LRRC3B: variants seen among roughly 807,000 people sequenced by gnomAD.
LRRC3B encodes the protein leucine-rich repeat-containing protein 3B.
A neutral mutation model predicts 12.8 loss-of-function variants in LRRC3B; 2 were observed. The ratio of observed to expected loss-of-function variants is 0.16; its 90% CI spans 0.06 to 0.49. The LOEUF (loss-of-function observed/expected upper bound fraction) is 0.49. LRRC3B is among the 20% of genes least tolerant of loss of function. The pLI is 0.96. For missense variants in LRRC3B, 189 were observed against 319.4 expected, an observed-to-expected ratio of 0.59 and a Z score of 3.11; for synonymous variants, 132 against 122.0, an observed-to-expected ratio of 1.08 and a Z score of -0.54.
At chr3:26,659,475 A>G (rs946299832) in intron 1 of LRRC3B, among the ~76,000 whole-genome samples, 10 of 152,238 alleles carry the variant, frequency 6.6e-5, no homozygotes, top group African/African-American at 2.2e-4. Flanking sequence ...AAGATAATAC[A>G]TATGAAAGTT....
In LRRC3B at chr3:26,690,995, A is replaced by G. The variant is rs1417256200; in HGVS notation, c.-160-18518A>G. Among the ~76,000 whole-genome samples, 4 of 150,206 alleles carry G rather than the reference A, an allele frequency of 2.7e-5. No individual in the cohort carries two copies. In the Admixed American group the frequency reaches 2.7e-4, roughly 10 times the overall value. On this transcript the variant is annotated intron_variant, in intron 1 of 1. Coordinates refer to ENST00000396641, the Ensembl canonical transcript of LRRC3B. ...TCCATTCTGTCATTTTCTTTAGGGA[A>G]CAAGGACTTAAGCTTTTATATACTT...
intron 1 of LRRC3B, among the ~76,000 whole-genome samples, chr3:26,693,283 C>T (rs537625903): frequency 7.0e-6 from 1 of 142,884 alleles, no homozygotes; most frequent in East Asian, 2.0e-4. Flanking sequence ...GAGTCGAGAT[C>T]GCGCCACTGC....
At chr3:26,685,417 G>GTCATTACA (rs1157115653) in intron 1 of LRRC3B, among the ~76,000 whole-genome samples, 2 of 147,104 alleles carry the variant, frequency 1.4e-5, no homozygotes, top group East Asian at 4.0e-4. Context: ...CCAAGGACCA[G>GTCATTACA]TCATTACATT....
At chr3:26,642,869 T>C (rs1445485148) in intron 1 of LRRC3B, among the ~76,000 whole-genome samples, 1 of 151,814 alleles carries the variant, frequency 6.6e-6, no homozygotes, top group Admixed American at 6.6e-5. Context: ...ATACAAAAAT[T>C]AGCTGGGTGT....
chr3:26,647,785 A>T (rs544356875), intron 1 of LRRC3B, among the ~76,000 whole-genome samples: 1 of 152,350 alleles, frequency 6.6e-6, no homozygotes, highest in African/African-American at 2.4e-5. Flanking sequence ...AAGAATTTGC[A>T]GGTGTAAACT....
At chr3:26,701,021 T>C (rs1700439901) in intron 1 of LRRC3B, among the ~76,000 whole-genome samples, 1 of 152,150 alleles carries the variant, frequency 6.6e-6, no homozygotes, top group Admixed American at 6.6e-5. Context: ...TTCTAGTCCC[T>C]GAATGCAAAC....
At chr3:26,647,070 A>G (rs1393892520) in intron 1 of LRRC3B, among the ~76,000 whole-genome samples, 1 of 152,068 alleles carries the variant, frequency 6.6e-6, no homozygotes, top group African/African-American at 2.4e-5. Context: ...TTTGTAGAAC[A>G]TACCAAGAAC....
intron 1 of LRRC3B, among the ~76,000 whole-genome samples, chr3:26,635,826 T>C (rs1283138251): frequency 6.6e-6 from 1 of 152,254 alleles, no homozygotes; most frequent in Non-Finnish European, 1.5e-5. Context: ...GTCTGTTTAA[T>C]GAATCAATGA....
intron 1 of LRRC3B, among the ~76,000 whole-genome samples, chr3:26,657,702 C>T (rs1049554621): frequency 6.6e-6 from 1 of 151,938 alleles, no homozygotes; most frequent in Non-Finnish European, 1.5e-5. Context: ...TTCTTAATTC[C>T]AGCCAAGGCG....
At chr3:26,707,419 A>ACTT (rs1467900223) in intron 1 of LRRC3B, among the ~76,000 whole-genome samples, 1 of 152,052 alleles carries the variant, frequency 6.6e-6, no homozygotes, top group Non-Finnish European at 1.5e-5. Flanking sequence ...AACTCAGTGT[A>ACTT]CTTTTTATTT....
intron 1 of LRRC3B, among the ~76,000 whole-genome samples, chr3:26,682,105 T>C (rs1453536734): frequency 1.3e-5 from 2 of 152,178 alleles, no homozygotes; most frequent in Admixed American, 1.3e-4. Flanking sequence ...TAACTCATGA[T>C]ACTGTATCCA....
chr3:26,673,420 C>T (rs1008821917), intron 1 of LRRC3B, among the ~76,000 whole-genome samples: 1 of 152,100 alleles, frequency 6.6e-6, no homozygotes, highest in African/African-American at 2.4e-5. Flanking sequence ...CAAGGTTGAG[C>T]TACAGAACAA....
chr3:26,628,458 G>A (rs1009984300), intron 1 of LRRC3B, among the ~76,000 whole-genome samples: 23 of 147,160 alleles, frequency 1.6e-4, no homozygotes, highest in African/African-American at 5.7e-4. Context: ...TAGGACCTGA[G>A]AAGCTTTACC....
rs138281816 is a variant in LRRC3B, at chr3:26,673,609, G to A, written c.-160-35904G>A. ...AGAAGAGAATATTCCAGTGGTTACA[G>A]TAGCCTGACATAGCATGAAGTGGAA... On this transcript the variant is annotated intron_variant, in intron 1 of 1. Transcript: ENST00000396641. Among the ~76,000 whole-genome samples, 49 of 152,294 alleles carry A rather than the reference G, an allele frequency of 3.2e-4. No homozygotes were observed. The Middle Eastern group carries it at 0.014, about 42-fold the overall frequency.
rs1288234195 is a variant in LRRC3B at position 26,655,767 on chromosome 3, A to AT, written c.-161+32531dup. Among the ~76,000 whole-genome samples, 3 of 152,202 alleles carry AT rather than the reference A, an allele frequency of 2.0e-5. No individual in the cohort carries two copies. In the East Asian group the frequency reaches 5.8e-4, roughly 29 times the overall value. On this transcript the variant is annotated intron_variant, in intron 1 of 1. Transcript: ENST00000396641. ...TGACAGAAATGCTCAGTAGTACATT[A>AT]TATTAATAATGTCTACTGGTTACTA...
At chr3:26,710,608 A>C in exon 2 of LRRC3B, 1 of 723,700 alleles carries the variant, frequency 1.4e-6, no homozygotes, top group Non-Finnish European at 2.2e-6. Context: ...AAACACTACA[A>C]CATAAATAAT....
intron 1 of LRRC3B, among the ~76,000 whole-genome samples, chr3:26,674,959 G>A (rs540595403): frequency 6.6e-6 from 1 of 152,294 alleles, no homozygotes; most frequent in Non-Finnish European, 1.5e-5. Flanking sequence ...GTAGTTTTAT[G>A]TTGGGCTATT....
intron 1 of LRRC3B, among the ~76,000 whole-genome samples, chr3:26,641,548 A>G (rs1215318144): frequency 1.2e-4 from 18 of 152,156 alleles, no homozygotes; most frequent in Non-Finnish European, 2.9e-5. Context: ...AAGTCAACAC[A>G]ATAGAAAACC....
chr3:26,686,653 T>C (rs561075074), intron 1 of LRRC3B, among the ~76,000 whole-genome samples: 2 of 152,188 alleles, frequency 1.3e-5, no homozygotes, highest in Non-Finnish European at 2.9e-5. Flanking sequence ...TGTGCAAAGA[T>C]TAGTGACTAT....
Sources: gnomAD v4.1 joint callset for allele counts (sites outside exome capture counted in the v4.1 genomes callset) on GRCh38, gnomAD v4.1.1 for gene constraint, MANE v1.5 for transcripts, NCBI Gene and HGNC (gene_info 2026-07-23, HGNC 2026-07-21) for gene names.